The following COLEC10 variants were observed in gnomAD, a reference collection of about 807,000 sequenced individuals.
The protein encoded by COLEC10 is collectin-10.
Under a neutral mutation model 28.4 loss-of-function variants are expected in COLEC10, and 22 were observed. That is an observed-to-expected ratio of 0.78 (90% CI 0.55 to 1.11). The LOEUF is 1.11. COLEC10 is among the 50% of genes least tolerant of loss of function. COLEC10 has a pLI of 0.00. For missense variants in COLEC10, 361 were observed against 344.1 expected (o/e 1.05, Z -0.39); for synonymous variants, 125 against 116.1 (o/e 1.08, Z -0.49).
At chr8:119,074,372 A>G (rs1472920484) in intron 1 of COLEC10, among the ~76,000 whole-genome samples, 1 of 152,186 alleles carries the variant, frequency 6.6e-6, no homozygotes, top group Non-Finnish European at 1.5e-5. Flanking sequence ...GCATGCCTGT[A>G]CCAAAATATC....
chr8:119,105,718 G>A (rs1049308134), intron 5 of COLEC10, 82 bp from the exon 6 acceptor site: 2 of 1,213,702 alleles, frequency 1.6e-6, no homozygotes, highest in Non-Finnish European at 2.3e-6. Context: ...ATAAATAAAT[G>A]TAAATCTGGC....
chr8:119,015,632 T>C (rs12681073), intron 2 of COLEC10, among the ~76,000 whole-genome samples: 6,699 of 152,284 alleles, frequency 0.044, 218 homozygotes, highest in East Asian at 0.16. Context: ...CACTGAGACT[T>C]CAACAATATG....
At position 119,001,385 on chromosome 8, in the gene COLEC10, T is replaced by C. The variant is rs966684504; in HGVS notation, n.122+5812T>C. ...AATCCCAATAGTGACATTATATAAA[T>C]TGGAGGAGGGTGAAGGAGAAGAGAA... On this transcript the variant is annotated intron_variant and non_coding_transcript_variant, in intron 1 of 6. Transcript: ENST00000521788. 4.6e-5 allele frequency among the ~76,000 whole-genome samples: 7 copies of C among 151,992 alleles called. No individual in the cohort carries two copies. The East Asian group carries it at 5.8e-4, about 13-fold the overall frequency.
intron 2 of COLEC10, among the ~76,000 whole-genome samples, chr8:119,021,451 G>A (rs1330925421): frequency 6.6e-6 from 1 of 152,140 alleles, no homozygotes; most frequent in Non-Finnish European, 1.5e-5. Flanking sequence ...AGCAGAGAAT[G>A]CATGTCCTCT....
chr8:119,067,143 C>T (rs1814981120), upstream of COLEC10: 4 of 774,262 alleles, frequency 5.2e-6, no homozygotes, highest in Admixed American at 2.6e-5. Flanking sequence ...CTAGGGTATG[C>T]TTCCTTCCTG....
At chr8:119,071,575 G>A (rs989612482) in intron 1 of COLEC10, among the ~76,000 whole-genome samples, 2 of 152,128 alleles carry the variant, frequency 1.3e-5, no homozygotes, top group Non-Finnish European at 2.9e-5. Flanking sequence ...GCAAGGCCAT[G>A]CCTACCTACC....
At chr8:119,049,553 T>A (rs1814642234) in intron 2 of COLEC10, among the ~76,000 whole-genome samples, 1 of 151,888 alleles carries the variant, frequency 6.6e-6, no homozygotes, top group Admixed American at 6.6e-5. Flanking sequence ...TAGCTGGGAC[T>A]ATAGGCGCCC....
chr8:119,051,311 A>G (rs1002816449), intron 2 of COLEC10, among the ~76,000 whole-genome samples: 3 of 152,226 alleles, frequency 2.0e-5, no homozygotes, highest in African/African-American at 7.2e-5. Flanking sequence ...AATCACCAAT[A>G]TAGCAAATTA....
At chr8:119,101,695 T>A (rs1338877904) in intron 3 of COLEC10, among the ~76,000 whole-genome samples, 1 of 152,200 alleles carries the variant, frequency 6.6e-6, no homozygotes, top group African/African-American at 2.4e-5. Flanking sequence ...AATCTTATGT[T>A]TCTGTATATC....
At chr8:119,096,961 T>C (rs1815731501) in intron 3 of COLEC10, among the ~76,000 whole-genome samples, 1 of 151,916 alleles carries the variant, frequency 6.6e-6, no homozygotes, top group African/African-American at 2.4e-5. Context: ...TATCTCAATA[T>C]GCAAAAAATG....
chr8:118,996,092 T>C (rs1362986274), intron 1 of COLEC10, among the ~76,000 whole-genome samples: 1 of 152,168 alleles, frequency 6.6e-6, no homozygotes, highest in Non-Finnish European at 1.5e-5. Context: ...CTCTGCTTAA[T>C]TTGACTGTTT....
intron 1 of COLEC10, among the ~76,000 whole-genome samples, chr8:118,996,128 A>T (rs749158164): frequency 1.3e-5 from 2 of 152,172 alleles, no homozygotes; most frequent in Non-Finnish European, 2.9e-5. Context: ...AAAAAGGATC[A>T]TGCTGTGTTT....
At chr8:119,078,709 T>G (rs1309321585) in intron 1 of COLEC10, among the ~76,000 whole-genome samples, 1 of 152,192 alleles carries the variant, frequency 6.6e-6, no homozygotes, top group Non-Finnish European at 1.5e-5. Context: ...GATTGATGAT[T>G]ATCAAAGAGG....
At chr8:118,953,255 T>C in the COLEC10 span, among the ~76,000 whole-genome samples, 1 of 152,200 alleles carries the variant, frequency 6.6e-6, no homozygotes, top group African/African-American at 2.4e-5. Flanking sequence ...AGTGAATAAA[T>C]GTAGCTCAGT....
intron 2 of COLEC10, among the ~76,000 whole-genome samples, chr8:119,061,057 G>C (rs568359546): frequency 5.9e-5 from 9 of 152,002 alleles, no homozygotes; most frequent in Non-Finnish European, 1.2e-4. Flanking sequence ...GAAAGACTGA[G>C]ATATAATAGG....
rs923513295 is a variant in COLEC10, at chr8:119,067,354, A to G, written c.73A>G (p.Ser25Gly). The stretch of plus-strand genomic sequence containing the variant: ...GGTACTATTTCTTTTGCAAATTCAG[A>G]GTCTGGGTCTGGATATTGATAGCCG... The part of the protein sequence containing the change: ...LLVLFLLQIQ[S>G]LGLDIDSRPT... Residue 25 changes from serine to glycine, a missense_variant, in exon 1 of 6, where the codon AGT (serine) becomes GGT (glycine). This residue lies in a region of COLEC10 where 335 missense variants were observed against 308.5 expected (regional missense o/e 1.09). Coordinates refer to ENST00000332843, the MANE Select transcript of COLEC10 (RefSeq NM_006438.5). 44 of 1,613,942 alleles carry G rather than the reference A, an allele frequency of 2.7e-5. No homozygotes were observed. The highest frequency in any genetic ancestry group is 3.5e-5 in the Non-Finnish European group (41 of 1,179,964).
At position 119,106,919 on chromosome 8, in the gene COLEC10, T is replaced by G. The variant is rs1815958455; in HGVS notation, c.*728T>G. Among the ~76,000 whole-genome samples, 1 of 152,138 alleles carries G rather than the reference T, an allele frequency of 6.6e-6. No homozygotes were observed. Among genetic ancestry groups the G allele is most frequent in the Non-Finnish European group, 1.5e-5 (1 of 68,022 alleles). On this transcript the variant is annotated 3_prime_UTR_variant, in exon 6 of 6. Transcript: ENST00000332843. ...ACCTTAATCTCAGGCCCCTATATAG[T>G]CACACTTTGATTTAAGAAAAATGGA... is the stretch of plus-strand genomic sequence containing the variant.
At chr8:119,038,674 T>C (rs1371627044) in intron 2 of COLEC10, among the ~76,000 whole-genome samples, 2 of 152,224 alleles carry the variant, frequency 1.3e-5, no homozygotes, top group African/African-American at 4.8e-5. Context: ...TAAATGGTAA[T>C]GTAACTAACA....
intron 1 of COLEC10, among the ~76,000 whole-genome samples, chr8:119,080,006 T>A (rs1360044560): frequency 6.6e-6 from 1 of 152,222 alleles, no homozygotes; most frequent in Non-Finnish European, 1.5e-5. Context: ...TTTAGCATGT[T>A]AATATTGAAA....
Sources: allele counts gnomAD v4.1 joint callset (sites outside exome capture counted in the v4.1 genomes callset), GRCh38; gene constraint gnomAD v4.1.1; regional missense constraint gnomAD v4.1.1; transcripts MANE v1.5; gene names NCBI Gene and HGNC (gene_info 2026-07-23, HGNC 2026-07-21).